Variants in PCDHGA3 observed in about 807,000 individuals in gnomAD.
PCDHGA3 encodes the protein protocadherin gamma-A3.
Under a neutral mutation model 58.5 loss-of-function variants are expected in PCDHGA3, and 40 were observed. The ratio of observed to expected loss-of-function variants is 0.68; its 90% CI spans 0.53 to 0.89. The LOEUF (loss-of-function observed/expected upper bound fraction) is 0.89, where lower values mean the gene tolerates loss of function less well. PCDHGA3 is among the 40% of genes least tolerant of loss of function. The pLI is 0.00. For synonymous variants in PCDHGA3, 530 were observed against 525.7 expected (o/e 1.01, Z -0.11); for missense variants, 1,223 against 1,195.9 (o/e 1.02, Z -0.33).
chr5:141,428,121 G>T (rs764584436), intron 1 of PCDHGA3: 1 of 1,605,860 alleles, frequency 6.2e-7, no homozygotes. Context: ...CATCGAGCCC[G>T]GGCTTTTCAG....
At chr5:141,415,284 G>A (rs186109113) in intron 1 of PCDHGA3, 27 of 1,614,198 alleles carry the variant, frequency 1.7e-5, no homozygotes, top group Non-Finnish European at 2.3e-5. Context: ...CGGTGGCCGC[G>A]GTCTCCTGCG....
intron 1 of PCDHGA3, chr5:141,371,242 A>C: frequency 6.2e-7 from 1 of 1,614,034 alleles, no homozygotes; most frequent in Non-Finnish European, 8.5e-7. Flanking sequence ...GCCTTCATCA[A>C]TATTGGCAAG....
intron 1 of PCDHGA3, among the ~76,000 whole-genome samples, chr5:141,461,366 A>G (rs1186381077): frequency 6.6e-6 from 1 of 151,964 alleles, no homozygotes; most frequent in Non-Finnish European, 1.5e-5. Flanking sequence ...TTGTGGTTTT[A>G]ATTTGCATTT....
At chr5:141,353,075 G>A (rs544415302) in intron 1 of PCDHGA3, among the ~76,000 whole-genome samples, 44 of 152,198 alleles carry the variant, frequency 2.9e-4, no homozygotes, top group African/African-American at 1.1e-3. Context: ...TCTAGTGATG[G>A]TATCTACTGC....
rs750216656 is a variant in PCDHGA3 at position 141,422,121 on chromosome 5, A to G, written c.2425-72686A>G. 4.4e-6 allele frequency: 7 copies of G among 1,602,838 alleles called. No individual in the cohort carries two copies. In the Admixed American group the frequency reaches 8.8e-5, roughly 20 times the overall value. On this transcript the variant is annotated intron_variant, in intron 1 of 3. Coordinates refer to ENST00000253812, the MANE Select transcript of PCDHGA3 (RefSeq NM_018916.4). ...CTGAAATATTCCAATTGGATTCACA[A>G]ACTGGAGAAGTTCAAGTACGGGGGT...
chr5:141,431,442 TCC>T lies in PCDHGA3; in HGVS notation c.2425-63364_2425-63363del. ...CCGGTGCGCACAGGCACCGCGCGCATCCGCGTGATGGTTCTGGATGCGAACGA... is the reference window on the plus strand; with the variant it reads ...CCGGTGCGCACAGGCACCGCGCGCATGCGTGATGGTTCTGGATGCGAACGA... On this transcript the variant is annotated intron_variant, in intron 1 of 3. Transcript: ENST00000253812. This position sits in a 1 kb window ranked among gnomAD's most constrained non-coding sequence, Gnocchi z 4.8. 1 of 1,613,746 alleles carries T rather than the reference TCC, an allele frequency of 6.2e-7. No homozygotes were observed. The highest frequency in any genetic ancestry group is 1.3e-5 in the African/African-American group (1 of 75,074).
In PCDHGA3 at chr5:141,485,275, G is replaced by C. The variant is rs77402299; in HGVS notation, c.2425-9532G>C. ...ACGTTTGTGGGCAGATCCGCTACCC[G>C]GTCCCAGAGGAGTCACAGGAAGGGA... On this transcript the variant is annotated intron_variant, in intron 1 of 3. Transcript: ENST00000253812. The surrounding 1 kb of genome is among the most constrained non-coding windows in gnomAD (Gnocchi z 5.7). The C allele has an allele frequency of 2.5e-6, 4 of 1,614,072 alleles. No individual in the cohort carries two copies. Among genetic ancestry groups the C allele is most frequent in the Admixed American group, 1.7e-5 (1 of 60,024 alleles).
At position 141,356,332 on chromosome 5, in the gene PCDHGA3, G is replaced by A; in HGVS notation, c.2424+9875G>A. The A allele has an allele frequency of 6.4e-7, 1 of 1,554,428 alleles. No homozygotes were observed. Among genetic ancestry groups the A allele is most frequent in the African/African-American group, 1.4e-5 (1 of 73,232 alleles). ...CAACGTGCATGACAGTGACTCAGGAGGAAATGGCCTAGTCACATGTTCTAT... is the reference window on the plus strand; with the variant it reads ...CAACGTGCATGACAGTGACTCAGGAAGAAATGGCCTAGTCACATGTTCTAT... On this transcript the variant is annotated intron_variant, in intron 1 of 3. Coordinates refer to ENST00000253812, the MANE Select transcript of PCDHGA3 (RefSeq NM_018916.4).
In PCDHGA3 at chr5:141,512,088, A is replaced by G. The variant is rs192947391; in HGVS notation, c.*915A>G. 2.6e-5 allele frequency: 4 copies of G among 152,772 alleles called. No individual in the cohort carries two copies. Among genetic ancestry groups the G allele is most frequent in the Admixed American group, 6.5e-5 (1 of 15,306 alleles). 9.5% of individuals were successfully genotyped at this position (152,772 alleles called of 1,614,324 possible). On this transcript the variant is annotated 3_prime_UTR_variant, in exon 4 of 4. Transcript: ENST00000253812. ...TCCTCCAGATTCCAGCCATAAACCAATAACTAGGCTGGACCCTTCCCACTA... is the reference window on the plus strand; with the variant it reads ...TCCTCCAGATTCCAGCCATAAACCAGTAACTAGGCTGGACCCTTCCCACTA...
At chr5:141,510,879 G>T in intron 3 of PCDHGA3, 68 bp from the exon 4 acceptor site, 1 of 1,611,520 alleles carries the variant, frequency 6.2e-7, no homozygotes, top group Non-Finnish European at 8.5e-7. Flanking sequence ...TAACTGCTGG[G>T]GATATAAGAC....
chr5:141,413,649 C>G, intron 1 of PCDHGA3: 1 of 1,613,836 alleles, frequency 6.2e-7, no homozygotes, highest in South Asian at 1.1e-5. Flanking sequence ...GTTTTCCTCT[C>G]CCGGAAGCTA....
chr5:141,399,414 C>T, intron 1 of PCDHGA3: 1 of 1,614,034 alleles, frequency 6.2e-7, no homozygotes, highest in East Asian at 2.2e-5. Flanking sequence ...CGCCCCTCTC[C>T]TCCAGCATAA....
At chr5:141,394,507 C>T in intron 1 of PCDHGA3, 1 of 1,614,214 alleles carries the variant, frequency 6.2e-7, no homozygotes, top group South Asian at 1.1e-5. Flanking sequence ...ATCCTGTACC[C>T]CGCCCTCCCC....
rs766852982 is a variant in PCDHGA3, at chr5:141,486,907, A to G, written c.2425-7900A>G. ...CCCGGCCTGGTTCCTTATGTCCCCA[A>G]GCACTGCCTCCATCAGTTGGTGCTG... On this transcript the variant is annotated intron_variant, in intron 1 of 3. Coordinates refer to ENST00000253812, the MANE Select transcript of PCDHGA3 (RefSeq NM_018916.4). The surrounding 1 kb of genome is among the most constrained non-coding windows in gnomAD (Gnocchi z 5.0). 6.2e-5 allele frequency: 100 copies of G among 1,614,122 alleles called. No homozygotes were observed. The highest frequency in any genetic ancestry group is 8.0e-5 in the Non-Finnish European group (94 of 1,180,056).
chr5:141,471,017 A>G (rs989277146), intron 1 of PCDHGA3, among the ~76,000 whole-genome samples: 3 of 143,850 alleles, frequency 2.1e-5, no homozygotes, highest in African/African-American at 7.8e-5. Context: ...GTGCCTGGTC[A>G]ATCATTTTTA....
intron 1 of PCDHGA3, among the ~76,000 whole-genome samples, chr5:141,347,209 A>G (rs760335658): frequency 2.5e-5 from 3 of 119,672 alleles, no homozygotes; most frequent in Non-Finnish European, 5.1e-5. Context: ...TCTGGAGTGC[A>G]GTGGCATGAT....
chr5:141,375,844 G>A (rs1771971426), intron 1 of PCDHGA3: 2 of 1,614,082 alleles, frequency 1.2e-6, no homozygotes, highest in Non-Finnish European at 8.5e-7. Context: ...CCGGCTACCT[G>A]GTGACCAAGG....
Position 141,485,098 on chromosome 5 carries a change from A to G in PCDHGA3, c.2425-9709A>G, listed in dbSNP as rs2099606903. ...CGGGGAAAGGGAGATAGGTGTCTCCAGCTGCTGTGGCTGTTTGGGGCGGGT... is the reference window on the plus strand; with the variant it reads ...CGGGGAAAGGGAGATAGGTGTCTCCGGCTGCTGTGGCTGTTTGGGGCGGGT... On this transcript the variant is annotated intron_variant, in intron 1 of 3. Transcript: ENST00000253812. This position sits in a 1 kb window ranked among gnomAD's most constrained non-coding sequence, Gnocchi z 5.7. 8.8e-7 allele frequency: 1 copy of G among 1,134,792 alleles called. No individual in the cohort carries two copies. Among genetic ancestry groups the G allele is most frequent in the South Asian group, 1.4e-5 (1 of 71,796 alleles). The allele number at this position is 1,134,792 out of a possible 1,614,324, so 70.3% of individuals were successfully genotyped here. A position where few individuals can be genotyped will look rare whatever the true frequency, so the allele number is the denominator to read the frequency against.
At chr5:141,383,774 TTCA>T in intron 1 of PCDHGA3, 1 of 1,613,980 alleles carries the variant, frequency 6.2e-7, no homozygotes, top group South Asian at 1.1e-5. Flanking sequence ...CCAAAGATGT[TTCA>T]TCTGAACTCG....
Sources: gnomAD v4.1 joint callset for allele counts (sites outside exome capture counted in the v4.1 genomes callset) on GRCh38, gnomAD v4.1.1 for gene constraint, Gnocchi (gnomAD v3.1) non-coding constraint, MANE v1.5 for transcripts, NCBI Gene and HGNC (gene_info 2026-07-23, HGNC 2026-07-21) for gene names.